The following CNTNAP5 variants were observed in gnomAD, a reference collection of about 807,000 sequenced individuals.
The protein encoded by CNTNAP5 is contactin associated protein family member 5.
Under a neutral mutation model 150.2 loss-of-function variants are expected in CNTNAP5, and 72 were observed. The observed-to-expected ratio is 0.48, with a 90% CI of 0.40 to 0.58. CNTNAP5 has a LOEUF of 0.58. CNTNAP5 is among the 20% of genes least tolerant of loss of function. The probability of loss-of-function intolerance (pLI) is 0.00; values close to 1 mark genes in which losing one functional copy is unlikely to be tolerated. For synonymous variants in CNTNAP5, 672 were observed against 619.8 expected (o/e 1.08, Z -1.25); for missense variants, 1,636 against 1,626.2 (o/e 1.01, Z -0.10).
intron 3 of CNTNAP5, among the ~76,000 whole-genome samples, chr2:124,400,675 T>TTTTG (rs202099448): frequency 2.0e-4 from 19 of 92,938 alleles, no homozygotes; most frequent in Non-Finnish European, 3.9e-4. Flanking sequence ...CATTGTTTTT[T>TTTTG]TTTTTTTTTT....
chr2:124,607,072 T>G (rs941786886), intron 11 of CNTNAP5, among the ~76,000 whole-genome samples: 1 of 152,154 alleles, frequency 6.6e-6, no homozygotes, highest in African/African-American at 2.4e-5. Flanking sequence ...GGAGGCTCTT[T>G]TTGAGTTACT....
chr2:124,752,309 C>A (rs946834667), intron 14 of CNTNAP5, among the ~76,000 whole-genome samples: 7 of 152,118 alleles, frequency 4.6e-5, no homozygotes, highest in African/African-American at 1.7e-4. Context: ...CCCATCTCAG[C>A]CTCCCAAAGC....
chr2:124,258,289 T>C (rs1370100480), intron 3 of CNTNAP5, among the ~76,000 whole-genome samples: 5 of 152,134 alleles, frequency 3.3e-5, no homozygotes, highest in African/African-American at 7.2e-5. Context: ...AGCCACATAA[T>C]AATGCCCCTA....
At chr2:124,663,609 G>C (rs550504770) in intron 13 of CNTNAP5, among the ~76,000 whole-genome samples, 7 of 152,158 alleles carry the variant, frequency 4.6e-5, no homozygotes, top group South Asian at 4.1e-4. Context: ...GGGAGAAAGA[G>C]AGAGAGGAAA....
chr2:124,616,697 C>T (rs761220703), intron 12 of CNTNAP5, among the ~76,000 whole-genome samples: 3 of 152,104 alleles, frequency 2.0e-5, no homozygotes, highest in Non-Finnish European at 2.9e-5. Context: ...TAATCATTTC[C>T]AGCTTTTGAT....
At chr2:124,381,999 G>A (rs528022156) in intron 3 of CNTNAP5, among the ~76,000 whole-genome samples, 47 of 152,262 alleles carry the variant, frequency 3.1e-4, no homozygotes, top group Admixed American at 7.2e-4. Context: ...AAGGGGAAGT[G>A]AAATCTAGGT....
intron 1 of CNTNAP5, among the ~76,000 whole-genome samples, chr2:124,207,565 C>T (rs1383829539): frequency 6.6e-6 from 1 of 152,140 alleles, no homozygotes; most frequent in Non-Finnish European, 1.5e-5. Flanking sequence ...TGTCTTGGTT[C>T]ACGGGCACTT....
chr2:124,057,678 G>A (rs897535652), intron 1 of CNTNAP5, among the ~76,000 whole-genome samples: 12 of 151,524 alleles, frequency 7.9e-5, no homozygotes, highest in Admixed American at 3.9e-4. Flanking sequence ...CTCCTTTTTT[G>A]AGCTGCAATC....
chr2:124,240,520 A>G (rs1399365166), intron 2 of CNTNAP5, among the ~76,000 whole-genome samples: 1 of 152,184 alleles, frequency 6.6e-6, no homozygotes, highest in Non-Finnish European at 1.5e-5. Context: ...AAGAAGGAAG[A>G]GAGAATGGAT....
intron 19 of CNTNAP5, among the ~76,000 whole-genome samples, chr2:124,823,038 A>G (rs1191485644): frequency 6.6e-6 from 1 of 152,188 alleles, no homozygotes; most frequent in Non-Finnish European, 1.5e-5. Flanking sequence ...AATACAAACA[A>G]CACAGAGAAA....
chr2:124,700,316 G>A (rs907780750), intron 13 of CNTNAP5, among the ~76,000 whole-genome samples: 13 of 152,136 alleles, frequency 8.5e-5, no homozygotes, highest in Non-Finnish European at 4.4e-5. Flanking sequence ...GAATAATGCT[G>A]CTATGAATAT....
chr2:124,128,910 A>G (rs114347423), intron 1 of CNTNAP5, among the ~76,000 whole-genome samples: 3,649 of 152,154 alleles, frequency 0.024, 159 homozygotes, highest in African/African-American at 0.082. Flanking sequence ...GGAGCCTGTC[A>G]TGGGGTATGG....
intron 11 of CNTNAP5, among the ~76,000 whole-genome samples, chr2:124,580,560 A>G (rs909602608): frequency 6.6e-6 from 1 of 152,224 alleles, no homozygotes; most frequent in Non-Finnish European, 1.5e-5. Flanking sequence ...TTCTTTGCTC[A>G]ATTAAACACT....
intron 19 of CNTNAP5, among the ~76,000 whole-genome samples, 196 bp from the exon 20 acceptor site, chr2:124,865,100 CTCTCTCTCTG>C (rs1478536793): frequency 2.6e-5 from 4 of 152,152 alleles, no homozygotes; most frequent in Non-Finnish European, 5.9e-5. Context: ...CACTCTCTCT[CTCTCTCTCTG>C]TCTCTCTATT....
At chr2:124,083,230 C>T (rs998320264) in intron 1 of CNTNAP5, among the ~76,000 whole-genome samples, 10 of 152,184 alleles carry the variant, frequency 6.6e-5, no homozygotes, top group Non-Finnish European at 1.3e-4. Context: ...TGCCTGTAAT[C>T]TCAGCTAGTC....
At chr2:124,647,656 T>C (rs1678231195) in intron 12 of CNTNAP5, 102 bp from the exon 13 acceptor site, 4 of 1,052,498 alleles carry the variant, frequency 3.8e-6, no homozygotes, top group Non-Finnish European at 5.5e-6. Flanking sequence ...TACCGGAGTG[T>C]TGATTAATGT....
At chr2:124,670,177 C>CTTCCTTCCTTCCT (rs879800479) in intron 13 of CNTNAP5, among the ~76,000 whole-genome samples, 1 of 138,224 alleles carries the variant, frequency 7.2e-6, no homozygotes, top group Non-Finnish European at 1.6e-5. Flanking sequence ...TCCTTCCTTC[C>CTTCCTTCCTTCCT]TCCCTCTCTT....
At chr2:124,276,443 C>A (rs1360639894) in intron 3 of CNTNAP5, among the ~76,000 whole-genome samples, 1 of 152,148 alleles carries the variant, frequency 6.6e-6, no homozygotes, top group Non-Finnish European at 1.5e-5. Flanking sequence ...TCCTAGTTGG[C>A]ATTTTTACAA....
At chr2:124,161,820 A>T (rs1221000573) in intron 1 of CNTNAP5, among the ~76,000 whole-genome samples, 3 of 152,216 alleles carry the variant, frequency 2.0e-5, no homozygotes, top group South Asian at 2.1e-4. Flanking sequence ...CATTAAACAG[A>T]TCTTGATGAT....
Sources: gnomAD v4.1 joint callset for allele counts (sites outside exome capture counted in the v4.1 genomes callset) on GRCh38, gnomAD v4.1.1 for gene constraint, MANE v1.5 for transcripts, NCBI Gene and HGNC (gene_info 2026-07-23, HGNC 2026-07-21) for gene names.